ZZZ3: variants seen among roughly 807,000 people sequenced by gnomAD.
ZZZ3 encodes zinc finger ZZ-type containing 3.
In ZZZ3, 22 loss-of-function variants were observed where a neutral mutation model predicts 95.2. The observed-to-expected ratio is 0.23, with a 90% confidence interval of 0.17 to 0.33. The LOEUF (loss-of-function observed/expected upper bound fraction) is 0.33. Among genes scored for constraint, ZZZ3 ranks in the 10% least tolerant of loss-of-function variants. The pLI is 1.00. For synonymous variants in ZZZ3, 335 were observed against 358.9 expected (o/e 0.93, Z 0.75); for missense variants, 885 against 1,066.5 (o/e 0.83, Z 2.37).
Position 77,579,529 on chromosome 1 carries a change from GT to G in ZZZ3, c.2079del (p.Lys693AsnfsTer12). 1 of 1,598,570 alleles carries G rather than the reference GT, an allele frequency of 6.3e-7. No homozygotes were observed. The highest frequency in any genetic ancestry group is 8.5e-7 in the Non-Finnish European group (1 of 1,172,626). On this transcript the variant is annotated frameshift_variant, in exon 10 of 15. Coordinates refer to ENST00000370801, the MANE Select transcript of ZZZ3 (RefSeq NM_015534.6). LOFTEE classifies it high-confidence loss of function. ...IADELGNRTA[K>X]QVASRVQKYF... is the part of the protein sequence containing the mutation. ...TCTGCAGTCATCTCCTCAATTACCT[GT>G]TTTGCTGTCCTGTTGCCCAATTCAT...
At chr1:77,649,234 G>A (rs1244837886) in intron 1 of ZZZ3, among the ~76,000 whole-genome samples, 8 of 150,724 alleles carry the variant, frequency 5.3e-5, no homozygotes, top group Non-Finnish European at 8.8e-5. Context: ...ATAATATAAA[G>A]AATATCTTAA....
In ZZZ3 at chr1:77,650,281, C is replaced by T. The variant is rs1002678137; in HGVS notation, c.-402-8626G>A. Among the ~76,000 whole-genome samples the T allele has an allele frequency of 3.9e-5, 6 of 152,134 alleles. No individual in the cohort carries two copies. In the East Asian group the frequency reaches 7.7e-4, roughly 20 times the overall value. On this transcript the variant is annotated intron_variant, in intron 1 of 14. Transcript: ENST00000370801. ...GCAAGGTGACAGATTTAAACTTTATCAAAAATCACTTTCATACAGCCATTT... is the reference window on the plus strand; with the variant it reads ...GCAAGGTGACAGATTTAAACTTTATTAAAAATCACTTTCATACAGCCATTT...
chr1:77,580,477 C>T (rs1237240467), intron 9 of ZZZ3: 1 of 152,198 alleles, frequency 6.6e-6, no homozygotes, highest in Non-Finnish European at 1.5e-5. Context: ...AACCCAGGTT[C>T]CTTCTTTTAA....
At chr1:77,614,239 G>A (rs1487867301) in intron 5 of ZZZ3, among the ~76,000 whole-genome samples, 3 of 152,072 alleles carry the variant, frequency 2.0e-5, no homozygotes, top group Non-Finnish European at 4.4e-5. Context: ...CTGTAAAACC[G>A]GATGCCTCTC....
At chr1:77,617,970 T>C (rs2100768819) in intron 5 of ZZZ3, among the ~76,000 whole-genome samples, 1 of 152,064 alleles carries the variant, frequency 6.6e-6, no homozygotes. Context: ...AAATGTGGAA[T>C]TGCTGAATCA....
chr1:77,681,039 A>G (rs907056402), intron 1 of ZZZ3, among the ~76,000 whole-genome samples: 1 of 152,238 alleles, frequency 6.6e-6, no homozygotes, highest in Non-Finnish European at 1.5e-5. Context: ...AAGTCTTGAC[A>G]AACAGGCATA....
intron 5 of ZZZ3, among the ~76,000 whole-genome samples, chr1:77,605,249 C>G (rs1272137000): frequency 1.3e-5 from 2 of 152,208 alleles, no homozygotes; most frequent in Non-Finnish European, 2.9e-5. Flanking sequence ...GGGCACTCAT[C>G]ATGAGACTAC....
intron 1 of ZZZ3, among the ~76,000 whole-genome samples, chr1:77,652,366 T>C (rs1202980124): frequency 6.6e-6 from 1 of 152,194 alleles, no homozygotes; most frequent in Non-Finnish European, 1.5e-5. Context: ...TCATTAGCCC[T>C]CAGGGATATG....
chr1:77,658,775 A>G (rs905254500), intron 1 of ZZZ3, among the ~76,000 whole-genome samples: 5 of 152,206 alleles, frequency 3.3e-5, no homozygotes, highest in African/African-American at 4.8e-5. Flanking sequence ...ATTATTTAAA[A>G]TGCTGTGATT....
At chr1:77,596,540 C>T (rs1169628392) in intron 5 of ZZZ3, among the ~76,000 whole-genome samples, 2 of 152,014 alleles carry the variant, frequency 1.3e-5, no homozygotes, top group Non-Finnish European at 2.9e-5. Flanking sequence ...AAGTTATTTA[C>T]AAGTTCAGGA....
intron 1 of ZZZ3, among the ~76,000 whole-genome samples, chr1:77,668,115 G>A (rs1671413869): frequency 1.3e-5 from 2 of 151,992 alleles, no homozygotes; most frequent in Admixed American, 1.3e-4. Flanking sequence ...TACTTATGAG[G>A]AAGTCATATT....
At chr1:77,581,721 A>G (rs1382615877) in intron 8 of ZZZ3, 55 bp downstream of exon 8, 1 of 1,367,236 alleles carries the variant, frequency 7.3e-7, no homozygotes, top group Non-Finnish European at 1.0e-6. Context: ...GCAAAATGTT[A>G]AATTGTTTTG....
At chr1:77,668,718 T>C (rs1371998776) in intron 1 of ZZZ3, among the ~76,000 whole-genome samples, 3 of 151,434 alleles carry the variant, frequency 2.0e-5, no homozygotes, top group South Asian at 2.1e-4. Flanking sequence ...GTCTATCTGA[T>C]TCCAAGTCCA....
At chr1:77,641,698 C>T (rs956352657) in intron 1 of ZZZ3, 43 bp from the exon 2 acceptor site, 4 of 395,200 alleles carry the variant, frequency 1.0e-5, no homozygotes, top group African/African-American at 2.1e-5. Flanking sequence ...GATGTGTTAC[C>T]GTTTACAAAT....
At chr1:77,681,717 C>A (rs2101107057) in intron 1 of ZZZ3, among the ~76,000 whole-genome samples, 1 of 152,148 alleles carries the variant, frequency 6.6e-6, no homozygotes, top group East Asian at 1.9e-4. Context: ...CATGGTGAAA[C>A]CCCGTCTCTA....
rs748445104 is a variant in ZZZ3, at chr1:77,633,274, A to C, written c.81T>G (p.Thr27=). 6.2e-7 allele frequency: 1 copy of C among 1,614,084 alleles called. No individual in the cohort carries two copies. The stretch of plus-strand genomic sequence containing the variant: ...GATGCGCAATGCTACGATTCCTTAA[A>C]GTTCTACCACAAAAAGATTCATCCA... ...NGLDESFCGR[T]LRNRSIAHPE... Residue 27 remains threonine, a synonymous_variant, in exon 5 of 15, where the codon ACT becomes ACG. Transcript: ENST00000370801.
intron 1 of ZZZ3, among the ~76,000 whole-genome samples, chr1:77,651,783 C>A (rs901089782): frequency 6.6e-6 from 1 of 151,954 alleles, no homozygotes; most frequent in Non-Finnish European, 1.5e-5. Flanking sequence ...TTTGGGAGGC[C>A]AAGGCAGGCA....
chr1:77,636,705 G>GAA (rs10568853), intron 4 of ZZZ3, among the ~76,000 whole-genome samples: 10 of 67,646 alleles, frequency 1.5e-4, no homozygotes, highest in African/African-American at 4.8e-4. Context: ...GCCCTGTCTT[G>GAA]AAAAAAAAAA....
intron 5 of ZZZ3, among the ~76,000 whole-genome samples, chr1:77,591,643 C>T (rs76106270): frequency 0.059 from 8,967 of 152,270 alleles, 499 homozygotes; most frequent in African/African-American, 0.15. Context: ...GGCCCACTCA[C>T]TTTCAATAAA....
Sources: allele counts gnomAD v4.1 joint callset (sites outside exome capture counted in the v4.1 genomes callset), GRCh38; gene constraint gnomAD v4.1.1; transcripts MANE v1.5; gene names NCBI Gene and HGNC (gene_info 2026-07-23, HGNC 2026-07-21).